TENM3: variants seen among roughly 807,000 people sequenced by gnomAD.
TENM3 encodes the protein teneurin-3.
Under a neutral mutation model 255.1 loss-of-function variants are expected in TENM3, and 63 were observed. The ratio of observed to expected loss-of-function variants is 0.25; its 90% CI spans 0.20 to 0.30. The LOEUF is 0.30. Among genes scored for constraint, TENM3 ranks in the 10% least tolerant of loss-of-function variants. The probability of loss-of-function intolerance (pLI) is 1.00; values close to 1 mark genes in which losing one functional copy is unlikely to be tolerated. For synonymous variants in TENM3, 1,306 were observed against 1,322.3 expected (o/e 0.99, Z 0.27); for missense variants, 2,929 against 3,461.1 (o/e 0.85, Z 3.86).
At chr4:182,545,759 A>G (rs1006083368) in intron 3 of TENM3, among the ~76,000 whole-genome samples, 7 of 151,766 alleles carry the variant, frequency 4.6e-5, no homozygotes, top group African/African-American at 1.7e-4. Context: ...ACCTTCCCTC[A>G]CTGCCCTATT....
chr4:182,748,526 T>C (rs1725628368), intron 19 of TENM3, among the ~76,000 whole-genome samples: 1 of 152,174 alleles, frequency 6.6e-6, no homozygotes, highest in Non-Finnish European at 1.5e-5. Context: ...CACTGTCAAC[T>C]CTCTATGCTC....
the TENM3 span, among the ~76,000 whole-genome samples, chr4:182,046,382 A>G: frequency 6.6e-6 from 1 of 151,930 alleles, no homozygotes; most frequent in Non-Finnish European, 1.5e-5. Flanking sequence ...TCAATCTACT[A>G]AGGTATCTGT....
At chr4:181,695,320 G>C in the TENM3 span, among the ~76,000 whole-genome samples, 272 of 152,282 alleles carry the variant, frequency 1.8e-3, 1 homozygote, top group African/African-American at 6.3e-3. Flanking sequence ...TTAGCAAGTA[G>C]ACTCAACTCT....
At chr4:182,592,402 C>T (rs767158079) in intron 3 of TENM3, among the ~76,000 whole-genome samples, 1 of 152,152 alleles carries the variant, frequency 6.6e-6, no homozygotes, top group African/African-American at 2.4e-5. Context: ...GGAAGATCCA[C>T]CTGAGGCTCT....
At chr4:181,744,172 G>C in the TENM3 span, among the ~76,000 whole-genome samples, 1 of 152,200 alleles carries the variant, frequency 6.6e-6, no homozygotes, top group Admixed American at 6.5e-5. Flanking sequence ...TTTTATGGCT[G>C]CATAGTATTC....
the TENM3 span, among the ~76,000 whole-genome samples, chr4:181,843,716 CTTTTTTTTTTTT>C: frequency 4.8e-5 from 5 of 104,698 alleles, no homozygotes; most frequent in African/African-American, 1.8e-4. Context: ...TAAGGGCCTT[CTTTTTTTTTTTT>C]TTTTTTTTTG....
the TENM3 span, among the ~76,000 whole-genome samples, chr4:181,949,644 T>C: frequency 1.3e-5 from 2 of 152,168 alleles, no homozygotes; most frequent in African/African-American, 4.8e-5. Flanking sequence ...CCTTTTAATA[T>C]GAAAGTCCAA....
chr4:182,201,840 T>G (rs1754204010), intron 1 of TENM3, among the ~76,000 whole-genome samples: 1 of 152,212 alleles, frequency 6.6e-6, no homozygotes, highest in South Asian at 2.1e-4. Context: ...TAGGCATACT[T>G]GTCTTATTAA....
At position 182,671,504 on chromosome 4, in the gene TENM3, T is replaced by C. The variant is rs577655731; in HGVS notation, c.1112-1501T>C. Among the ~76,000 whole-genome samples the C allele has an allele frequency of 4.3e-4, 66 of 152,326 alleles. 4 individuals are homozygous for C. The South Asian group carries it at 0.014, about 32-fold the overall frequency. On this transcript the variant is annotated intron_variant, in intron 6 of 27. Coordinates refer to ENST00000511685, the MANE Select transcript of TENM3 (RefSeq NM_001080477.4). The stretch of plus-strand genomic sequence containing the variant: ...TCTCTCAACCTCCAGCCTGCAGTGA[T>C]AGTGCCTTTCTCTGACCCCTACTCA...
intron 3 of TENM3, among the ~76,000 whole-genome samples, chr4:182,553,862 C>A (rs1465108737): frequency 6.6e-6 from 1 of 152,136 alleles, no homozygotes; most frequent in Non-Finnish European, 1.5e-5. Flanking sequence ...ACTTCAGGTG[C>A]CAAATTTTCT....
chr4:181,931,009 C>T, the TENM3 span, among the ~76,000 whole-genome samples: 7 of 152,148 alleles, frequency 4.6e-5, no homozygotes, highest in Admixed American at 1.3e-4. Context: ...ATTGATGGAA[C>T]ATATCTCAAA....
At chr4:182,342,720 G>T (rs1053431276) in intron 2 of TENM3, among the ~76,000 whole-genome samples, 3 of 152,088 alleles carry the variant, frequency 2.0e-5, no homozygotes, top group Admixed American at 6.5e-5. Context: ...CTAGATATTA[G>T]AGAAATCCAG....
intron 3 of TENM3, among the ~76,000 whole-genome samples, chr4:182,578,996 A>G (rs545410429): frequency 1.3e-5 from 2 of 152,192 alleles, no homozygotes; most frequent in South Asian, 4.2e-4. Flanking sequence ...GTAGTTTATT[A>G]TTTTGCACCT....
chr4:181,864,712 A>G, the TENM3 span, among the ~76,000 whole-genome samples: 1 of 152,192 alleles, frequency 6.6e-6, no homozygotes, highest in African/African-American at 2.4e-5. Flanking sequence ...CCGCCCGTAT[A>G]GGTATGAACT....
chr4:182,470,944 G>C (rs1733063045), intron 3 of TENM3, among the ~76,000 whole-genome samples: 1 of 152,176 alleles, frequency 6.6e-6, no homozygotes. Flanking sequence ...TGATTTAAAT[G>C]AAGATCAGTA....
chr4:181,536,082 AC>A, the TENM3 span, among the ~76,000 whole-genome samples: 1 of 152,174 alleles, frequency 6.6e-6, no homozygotes, highest in East Asian at 1.9e-4. Context: ...AAAGCCAAAA[AC>A]CATCTCCGAC....
At chr4:182,574,248 C>T (rs529888627) in intron 3 of TENM3, among the ~76,000 whole-genome samples, 6 of 152,118 alleles carry the variant, frequency 3.9e-5, no homozygotes, top group African/African-American at 1.4e-4. Flanking sequence ...AATACCGTAG[C>T]GTGTGGATTT....
At chr4:182,483,890 AACTC>A (rs1211502399) in intron 3 of TENM3, among the ~76,000 whole-genome samples, 3 of 151,936 alleles carry the variant, frequency 2.0e-5, no homozygotes, top group Non-Finnish European at 4.4e-5. Flanking sequence ...ATCTCGCGAG[AACTC>A]ACTCACTATC....
chr4:181,911,449 G>C, the TENM3 span, among the ~76,000 whole-genome samples: 1 of 152,152 alleles, frequency 6.6e-6, no homozygotes, highest in Admixed American at 6.5e-5. Context: ...GGTTCTATGA[G>C]AGAGAATAAA....
Sources: allele counts gnomAD v4.1 joint callset (sites outside exome capture counted in the v4.1 genomes callset), GRCh38; gene constraint gnomAD v4.1.1; transcripts MANE v1.5; gene names NCBI Gene and HGNC (gene_info 2026-07-23, HGNC 2026-07-21).